RUVBL1: variants seen among roughly 807,000 people sequenced by gnomAD.
RUVBL1 encodes the protein ruvB-like 1.
RUVBL1 carries 4 observed loss-of-function variants against 52.4 expected under a neutral mutation model. The observed-to-expected ratio is 0.08, with a 90% CI of 0.04 to 0.17. The LOEUF is 0.17. Ranked by LOEUF, RUVBL1 falls within the 10% of genes least tolerant of loss-of-function variation. The probability of loss-of-function intolerance (pLI) is 1.00; values close to 1 mark genes in which losing one functional copy is unlikely to be tolerated. For missense variants in RUVBL1, 298 were observed against 572.8 expected (o/e 0.52, Z 4.90); for synonymous variants, 217 against 214.4 (o/e 1.01, Z -0.10).
chr3:128,104,404 A>C (rs1255179337), intron 4 of RUVBL1, among the ~76,000 whole-genome samples: 1 of 152,214 alleles, frequency 6.6e-6, no homozygotes, highest in Non-Finnish European at 1.5e-5. Context: ...TTCTATGAGC[A>C]TGGGCACTGA....
At chr3:128,153,431 T>G in exon 1 of RUVBL1, 1 of 1,421,374 alleles carries the variant, frequency 7.0e-7, no homozygotes, top group Non-Finnish European at 9.1e-7. Flanking sequence ...GGGGGGCAAC[T>G]TAACGGGCCG....
At chr3:128,109,805 G>T (rs1193205893) in intron 3 of RUVBL1, among the ~76,000 whole-genome samples, 19 of 95,742 alleles carry the variant, frequency 2.0e-4, no homozygotes, top group East Asian at 6.6e-4. Context: ...TGGCCTCTCT[G>T]TAAATTTTTT....
chr3:128,066,878 C>G, intron 9 of RUVBL1: 1 of 1,452,884 alleles, frequency 6.9e-7, no homozygotes, highest in Non-Finnish European at 9.6e-7. Context: ...CTGGACAGTC[C>G]CCGGCCGGGC....
upstream of RUVBL1, among the ~76,000 whole-genome samples, chr3:128,126,374 C>G (rs1943793125): frequency 6.6e-6 from 1 of 152,102 alleles, no homozygotes; most frequent in African/African-American, 2.4e-5. Flanking sequence ...GGCAAAACCC[C>G]ATCTCTACTA....
chr3:128,138,070 AC>A (rs1323755374), intron 1 of RUVBL1, among the ~76,000 whole-genome samples: 4 of 152,140 alleles, frequency 2.6e-5, no homozygotes, highest in Admixed American at 2.0e-4. Context: ...TATACAACAG[AC>A]CCACAGCTAG....
chr3:128,106,466 C>G (rs367577436), intron 3 of RUVBL1, among the ~76,000 whole-genome samples: 43 of 152,086 alleles, frequency 2.8e-4, no homozygotes, highest in Middle Eastern at 6.8e-3. Context: ...TATCCCCCCC[C>G]CCTTCACACA....
chr3:128,119,712 T>G (rs1943600900), intron 1 of RUVBL1, among the ~76,000 whole-genome samples: 1 of 152,214 alleles, frequency 6.6e-6, no homozygotes, highest in Non-Finnish European at 1.5e-5. Flanking sequence ...AAAGTGATCC[T>G]GGAGTGTCTT....
downstream of RUVBL1, among the ~76,000 whole-genome samples, chr3:128,076,322 G>A (rs1033950330): frequency 9.2e-5 from 14 of 152,156 alleles, no homozygotes; most frequent in African/African-American, 3.4e-4. This position sits in a 1 kb window ranked among gnomAD's most constrained non-coding sequence, Gnocchi z 6.8. Flanking sequence ...AGCATGACCC[G>A]ACCCAGGGAC....
At chr3:128,074,842 CAAAAAAAAA>C (rs386397876) in intron 9 of RUVBL1, among the ~76,000 whole-genome samples, 4 of 72,798 alleles carry the variant, frequency 5.5e-5, no homozygotes, top group South Asian at 5.7e-4. Context: ...AACTCCGTCT[CAAAAAAAAA>C]AAAAAAAAAA....
In RUVBL1 at chr3:128,153,904, T is replaced by A; in HGVS notation, c.-741A>T. ...CCCCGTGTCCGAATTCGCTCGAGCC[T>A]TTGCCGGGACGGGAAATCGCCCCAC... On this transcript the variant is annotated 5_prime_UTR_variant, in exon 1 of 10. Coordinates refer to the RUVBL1 transcript ENST00000464873. 4 of 1,418,290 alleles carry A rather than the reference T, an allele frequency of 2.8e-6. No individual in the cohort carries two copies. The South Asian group carries it at 4.5e-5, about 16-fold the overall frequency. The allele number at this position is 1,418,290 out of a possible 1,614,324, so 87.9% of individuals were successfully genotyped here.
At chr3:128,092,835 A>G (rs1044865123) in intron 8 of RUVBL1, among the ~76,000 whole-genome samples, 1 of 152,160 alleles carries the variant, frequency 6.6e-6, no homozygotes, top group Non-Finnish European at 1.5e-5. Context: ...CAGCAATTCC[A>G]CTCCTAGGTA....
chr3:128,151,501 G>A (rs191072882), intron 1 of RUVBL1, among the ~76,000 whole-genome samples: 86 of 151,940 alleles, frequency 5.7e-4, no homozygotes, highest in African/African-American at 2.0e-3. Flanking sequence ...AGCCTCTAAA[G>A]CTCTTATTAC....
At chr3:128,105,718 T>G (rs1943214812) in intron 3 of RUVBL1, among the ~76,000 whole-genome samples, 1 of 152,162 alleles carries the variant, frequency 6.6e-6, no homozygotes, top group South Asian at 2.1e-4. Flanking sequence ...ATTAGGTATC[T>G]ATGTCAACAG....
At position 128,123,786 on chromosome 3, in the gene RUVBL1, C is replaced by A. The variant is rs369283596; in HGVS notation, c.-62G>T. On this transcript the variant is annotated 5_prime_UTR_variant, in exon 1 of 11. Transcript: ENST00000322623. ...CCAGCAGCTAGGACAGTGCGCCCGG[C>A]GCCTGAGTTACCATGCGGCCGTTAC... The A allele has an allele frequency of 2.0e-6, 3 of 1,513,364 alleles. No homozygotes were observed. The highest frequency in any genetic ancestry group is 1.8e-6 in the Non-Finnish European group (2 of 1,122,242). 93.7% of individuals were successfully genotyped at this position (1,513,364 alleles called of 1,614,324 possible).
downstream of RUVBL1, among the ~76,000 whole-genome samples, chr3:128,077,043 C>A (rs551327463): frequency 1.4e-3 from 216 of 151,640 alleles, 1 homozygote; most frequent in African/African-American, 5.0e-3. Context: ...GCGGCCCAGC[C>A]GCCGCCCGCT....
At chr3:128,118,849 C>T (rs1380440968) in intron 2 of RUVBL1, among the ~76,000 whole-genome samples, 1 of 152,186 alleles carries the variant, frequency 6.6e-6, no homozygotes, top group Admixed American at 6.5e-5. Flanking sequence ...TTTCTTTCTG[C>T]CCTGGAGAGA....
chr3:128,123,488 GGC>G, intron 1 of RUVBL1, 94 bp downstream of exon 1: 7 of 1,312,900 alleles, frequency 5.3e-6, no homozygotes, highest in Non-Finnish European at 7.0e-6. Context: ...GGAGACCCCT[GGC>G]GCGCGCATCC....
intron 9 of RUVBL1, among the ~76,000 whole-genome samples, chr3:128,065,732 A>ATTT (rs758640768): frequency 0.47 from 46,161 of 97,434 alleles, 12,767 homozygotes; most frequent in East Asian, 0.7. Flanking sequence ...ATCATTAAGA[A>ATTT]TTTTTTTTTT....
chr3:128,134,794 A>G (rs1458442379), intron 1 of RUVBL1, among the ~76,000 whole-genome samples: 1 of 145,634 alleles, frequency 6.9e-6, no homozygotes, highest in African/African-American at 2.5e-5. Flanking sequence ...AACTTTGTCT[A>G]AAAAAAAAAA....
Sources: gnomAD v4.1 joint callset for allele counts (sites outside exome capture counted in the v4.1 genomes callset) on GRCh38, gnomAD v4.1.1 for gene constraint, Gnocchi (gnomAD v3.1) non-coding constraint, MANE v1.5 for transcripts, NCBI Gene and HGNC (gene_info 2026-07-23, HGNC 2026-07-21) for gene names.